Variants in PHTF2 observed in about 807,000 individuals in gnomAD.
PHTF2 encodes the protein protein PHTF2.
Under a neutral mutation model 101.2 loss-of-function variants are expected in PHTF2, and 60 were observed. That is an observed-to-expected ratio of 0.59 (90% CI 0.48 to 0.73). The LOEUF (loss-of-function observed/expected upper bound fraction) is 0.73. PHTF2 is among the 30% of genes least tolerant of loss of function. The probability of loss-of-function intolerance (pLI) is 0.00; values close to 1 mark genes in which losing one functional copy is unlikely to be tolerated. For missense variants in PHTF2, 747 were observed against 908.7 expected (o/e 0.82, Z 2.29); for synonymous variants, 311 against 307.3 (o/e 1.01, Z -0.13).
At chr7:77,903,874 T>A (rs1801617532) in intron 7 of PHTF2, among the ~76,000 whole-genome samples, 1 of 152,246 alleles carries the variant, frequency 6.6e-6, no homozygotes, top group African/African-American at 2.4e-5. Flanking sequence ...TCGCACTTCT[T>A]GAAAGGCAGA....
At chr7:77,866,223 T>C (rs1397540607) in intron 3 of PHTF2, among the ~76,000 whole-genome samples, 3 of 152,000 alleles carry the variant, frequency 2.0e-5, no homozygotes, top group Non-Finnish European at 4.4e-5. Context: ...CGTAATAGTT[T>C]ATTCTGTAGT....
chr7:77,921,184 G>A (rs1041612190), intron 10 of PHTF2, among the ~76,000 whole-genome samples: 2 of 152,144 alleles, frequency 1.3e-5, no homozygotes, highest in Admixed American at 6.5e-5. Context: ...TACCTGTGGT[G>A]TCAACATACC....
At chr7:77,902,297 G>A (rs894789784) in intron 7 of PHTF2, among the ~76,000 whole-genome samples, 1 of 151,822 alleles carries the variant, frequency 6.6e-6, no homozygotes, top group Non-Finnish European at 1.5e-5. Context: ...TTTTACCACC[G>A]TGATGTGAGC....
intron 12 of PHTF2, among the ~76,000 whole-genome samples, chr7:77,933,865 G>A (rs977002863): frequency 2.0e-5 from 3 of 152,104 alleles, no homozygotes; most frequent in African/African-American, 7.2e-5. Flanking sequence ...GTTTTATGAT[G>A]TCTGTGCAGA....
intron 1 of PHTF2, among the ~76,000 whole-genome samples, chr7:77,835,652 G>A (rs1426139928): frequency 6.6e-6 from 1 of 152,130 alleles, no homozygotes; most frequent in Non-Finnish European, 1.5e-5. Flanking sequence ...CTGTGCTGTG[G>A]AAAATTTGGC....
intron 1 of PHTF2, among the ~76,000 whole-genome samples, chr7:77,801,346 G>C (rs1792535299): frequency 6.6e-6 from 1 of 152,218 alleles, no homozygotes; most frequent in South Asian, 2.1e-4. Flanking sequence ...AGCACTTTGG[G>C]AGGCCAAGGC....
At position 77,896,447 on chromosome 7, in the gene PHTF2, G is replaced by A. The variant is rs183506992; in HGVS notation, c.216+2454G>A. ...GACATACCTGCAGTCCCACCTACTT[G>A]AGAGGCTGAACCAGGAGGATCACTT... is the stretch of plus-strand genomic sequence containing the variant. On this transcript the variant is annotated intron_variant, in intron 5 of 19. Transcript: ENST00000416283. 5.3e-5 allele frequency among the ~76,000 whole-genome samples: 8 copies of A among 152,212 alleles called. No individual in the cohort carries two copies. The East Asian group carries it at 1.5e-3, about 29-fold the overall frequency.
intron 11 of PHTF2, chr7:77,923,413 A>G (rs970124939): frequency 4.1e-6 from 4 of 982,258 alleles, no homozygotes; most frequent in Non-Finnish European, 3.6e-6. Flanking sequence ...TTTTTGAGCT[A>G]TGTTAGTAAT....
chr7:77,922,980 G>A, intron 11 of PHTF2: 1 of 1,278,796 alleles, frequency 7.8e-7, no homozygotes, highest in Admixed American at 3.7e-5. Flanking sequence ...CCACACATTT[G>A]AGCTCATTTT....
chr7:77,908,831 C>T (rs1268903014), exon 8 of PHTF2: 1 of 1,610,882 alleles, frequency 6.2e-7, no homozygotes, highest in Non-Finnish European at 8.5e-7. Context: ...TTCTAGCCCA[C>T]ACAGCATACC....
intron 3 of PHTF2, among the ~76,000 whole-genome samples, chr7:77,891,864 G>C (rs1291122344): frequency 1.3e-5 from 2 of 152,098 alleles, no homozygotes; most frequent in Non-Finnish European, 2.9e-5. Flanking sequence ...GAGATTGCAG[G>C]CAAGAGCCAC....
chr7:77,826,877 G>A lies in PHTF2; in HGVS notation c.-35-13344G>A, dbSNP rs1794730635. 1.3e-5 allele frequency among the ~76,000 whole-genome samples: 2 copies of A among 152,162 alleles called. 1 individual carries two copies. The highest frequency in any genetic ancestry group is 4.1e-4 in the South Asian group (2 of 4,826). The stretch of plus-strand genomic sequence containing the variant: ...TAGCACTCCTTTCTTGAAAAATACT[G>A]CTTGATGATTAAATCAAGTCAACCT... On this transcript the variant is annotated intron_variant, in intron 1 of 19. Transcript: ENST00000416283.
chr7:77,806,343 C>G (rs1340989654), intron 1 of PHTF2, among the ~76,000 whole-genome samples: 1 of 152,134 alleles, frequency 6.6e-6, no homozygotes, highest in Non-Finnish European at 1.5e-5. Flanking sequence ...TTTTGAAGTT[C>G]TATTGCTAGG....
intron 7 of PHTF2, among the ~76,000 whole-genome samples, chr7:77,907,435 G>A (rs1801967781): frequency 1.3e-5 from 2 of 152,100 alleles, no homozygotes; most frequent in Admixed American, 1.3e-4. Flanking sequence ...GCTTTTACAA[G>A]AAGTTGGTTT....
intron 2 of PHTF2, among the ~76,000 whole-genome samples, chr7:77,852,769 C>T (rs985438947): frequency 6.6e-6 from 1 of 152,188 alleles, no homozygotes; most frequent in Non-Finnish European, 1.5e-5. Context: ...AAGGACAGAT[C>T]TGGTGTTGAT....
intron 16 of PHTF2, among the ~76,000 whole-genome samples, chr7:77,943,318 G>A (rs558288226): frequency 2.6e-5 from 4 of 152,128 alleles, no homozygotes; most frequent in African/African-American, 7.2e-5. Flanking sequence ...TAGTAGAGAC[G>A]GGGTTTCACC....
intron 1 of PHTF2, among the ~76,000 whole-genome samples, chr7:77,818,415 A>T (rs1056444941): frequency 6.6e-6 from 1 of 152,028 alleles, no homozygotes; most frequent in Admixed American, 6.6e-5. Flanking sequence ...TCTTTGATTC[A>T]TTTTGGGGTT....
At chr7:77,852,232 C>G (rs1562875666) in intron 2 of PHTF2, among the ~76,000 whole-genome samples, 1 of 152,220 alleles carries the variant, frequency 6.6e-6, no homozygotes, top group Non-Finnish European at 1.5e-5. Context: ...TGGCTCCCGC[C>G]TGTATTCCCA....
chr7:77,928,410 T>G (rs563167588), intron 11 of PHTF2, among the ~76,000 whole-genome samples: 2 of 152,318 alleles, frequency 1.3e-5, no homozygotes, highest in Non-Finnish European at 2.9e-5. Context: ...AGTTACCTTC[T>G]TGGTTTAAAT....
Sources: gnomAD v4.1 joint callset for allele counts (sites outside exome capture counted in the v4.1 genomes callset) on GRCh38, gnomAD v4.1.1 for gene constraint, MANE v1.5 for transcripts, NCBI Gene and HGNC (gene_info 2026-07-23, HGNC 2026-07-21) for gene names.